IGSF9B: variants seen among roughly 807,000 people sequenced by gnomAD.
IGSF9B encodes the protein protein turtle homolog B.
IGSF9B carries 48 observed loss-of-function variants against 143.7 expected under a neutral mutation model. That is an observed-to-expected ratio of 0.33 (90% confidence interval 0.26 to 0.42). The LOEUF is 0.42. IGSF9B is among the 20% of genes least tolerant of loss of function. IGSF9B has a pLI of 1.00. For synonymous variants in IGSF9B, 903 were observed against 833.1 expected (o/e 1.08, Z -1.44); for missense variants, 1,706 against 1,980.0 (o/e 0.86, Z 2.63).
rs34274954 is a variant in IGSF9B at position 133,922,165 on chromosome 11, T to A, written c.2327+12A>T. ...TGAACAGCACAATTCTCCCAGGATC[T>A]GAGACACTTACGGAGACTCCAGGCT... On this transcript the variant is annotated intron_variant, in intron 17 of 19. Coordinates refer to ENST00000533871, the MANE Select transcript of IGSF9B (RefSeq NM_001277285.4). 98,146 of 1,604,106 alleles carry A rather than the reference T, an allele frequency of 0.061. 5,732 individuals carry two copies. Among genetic ancestry groups the A allele is most frequent in the African/African-American group, 0.29 (21,866 of 74,394 alleles).
intron 3 of IGSF9B, among the ~76,000 whole-genome samples, chr11:133,938,680 T>C (rs1210715423): frequency 6.6e-6 from 1 of 152,146 alleles, no homozygotes; most frequent in Non-Finnish European, 1.5e-5. Flanking sequence ...CCTTGGACTA[T>C]CAGTTCCAGA....
At chr11:133,946,455 G>T (rs942071547) in intron 1 of IGSF9B, among the ~76,000 whole-genome samples, 197 bp from the exon 2 acceptor site, 1 of 152,030 alleles carries the variant, frequency 6.6e-6, no homozygotes, top group Non-Finnish European at 1.5e-5. Flanking sequence ...CTGTCCTGGG[G>T]CCCCCAGGCA....
chr11:133,921,849 C>T (rs1261557126), intron 17 of IGSF9B, among the ~76,000 whole-genome samples: 2 of 152,082 alleles, frequency 1.3e-5, no homozygotes, highest in South Asian at 2.1e-4. Context: ...ACTTAAGCAA[C>T]ACATATTAAG....
At chr11:133,951,520 A>G (rs1392184492) in intron 1 of IGSF9B, among the ~76,000 whole-genome samples, 1 of 152,192 alleles carries the variant, frequency 6.6e-6, no homozygotes, top group Non-Finnish European at 1.5e-5. Flanking sequence ...GGGCTCCCCC[A>G]GCAGCTGTGA....
chr11:133,937,473 T>C lies in IGSF9B; in HGVS notation c.582A>G (p.Thr194=), dbSNP rs1939846059. Residue 194 remains threonine (T), a synonymous_variant, in exon 5 of 20, where the codon ACA becomes ACG. Coordinates refer to ENST00000533871, the MANE Select transcript of IGSF9B (RefSeq NM_001277285.4). ...TGTCCTCCCGACTGACCGATGTCAC[T>C]GTCAGGCTGCCGTCACTCACCTGGG... ...GKYQVSDGSL[T]VTSVSREDRG... 4 of 1,613,638 alleles carry C rather than the reference T, an allele frequency of 2.5e-6. No individual in the cohort carries two copies. Among genetic ancestry groups the C allele is most frequent in the Admixed American group, 3.3e-5 (2 of 59,986 alleles).
chr11:133,926,879 C>T (rs1261285697), intron 13 of IGSF9B, 37 bp downstream of exon 13: 1 of 1,529,086 alleles, frequency 6.5e-7, no homozygotes, highest in Non-Finnish European at 8.9e-7. Context: ...ACCACCTCTA[C>T]AACCCCCGCT....
chr11:133,931,246 T>A lies in IGSF9B; in HGVS notation c.1369-112A>T. ...AGACCCCGGCCCGCCCACGCTGCCC[T>A]CCTCCCGAGTGCCTGCCGCTCTTCA... On this transcript the variant is annotated intron_variant, in intron 10 of 19. Coordinates refer to ENST00000533871, the MANE Select transcript of IGSF9B (RefSeq NM_001277285.4). The surrounding 1 kb of genome is among the most constrained non-coding windows in gnomAD (Gnocchi z 7.7). 8.8e-7 allele frequency: 1 copy of A among 1,132,798 alleles called. No homozygotes were observed. Among genetic ancestry groups the A allele is most frequent in the Non-Finnish European group, 1.3e-6 (1 of 783,868 alleles). 70.2% of individuals were successfully genotyped at this position (1,132,798 alleles called of 1,614,324 possible). A position where few individuals can be genotyped will look rare whatever the true frequency, so the allele number is the denominator to read the frequency against.
At chr11:133,942,487 A>C (rs1436549646) in intron 3 of IGSF9B, among the ~76,000 whole-genome samples, 1 of 152,206 alleles carries the variant, frequency 6.6e-6, no homozygotes, top group Non-Finnish European at 1.5e-5. Flanking sequence ...AGAACATAAA[A>C]TTGAAGTGAG....
chr11:133,944,956 A>G (rs1161220023), intron 2 of IGSF9B, among the ~76,000 whole-genome samples: 1 of 152,138 alleles, frequency 6.6e-6, no homozygotes, highest in Admixed American at 6.5e-5. Context: ...ACCAAAGCCC[A>G]GTGACCCCAG....
rs1233222760 is a variant in IGSF9B, at chr11:133,900,302, C to G, written c.*8767G>C. 1 of 152,658 alleles carries G rather than the reference C, an allele frequency of 6.6e-6. No homozygotes were observed. The highest frequency in any genetic ancestry group is 2.4e-5 in the African/African-American group (1 of 41,390). The allele number at this position is 152,658 out of a possible 1,614,324, so 9.5% of individuals were successfully genotyped here. A position where few individuals can be genotyped will look rare whatever the true frequency, so the allele number is the denominator to read the frequency against. On this transcript the variant is annotated 3_prime_UTR_variant, in exon 20 of 20. Coordinates refer to ENST00000533871, the MANE Select transcript of IGSF9B (RefSeq NM_001277285.4). The stretch of plus-strand genomic sequence containing the variant: ...GAGCCGAAAGGTTGCAGTCCTGAGT[C>G]TCTCCTCACTGCCTGCACCATCTGG...
intron 15 of IGSF9B, among the ~76,000 whole-genome samples, chr11:133,923,528 TATACTC>T (rs925074621): frequency 2.0e-5 from 3 of 152,204 alleles, no homozygotes; most frequent in Non-Finnish European, 4.4e-5. Context: ...CCTACCATCT[TATACTC>T]ATAGGAAAGT....
At chr11:133,954,741 C>T (rs1940219665) in intron 1 of IGSF9B, among the ~76,000 whole-genome samples, 1 of 152,142 alleles carries the variant, frequency 6.6e-6, no homozygotes, top group Non-Finnish European at 1.5e-5. Flanking sequence ...GGCTCTAGAC[C>T]TAGGTCCTTA....
chr11:133,935,520 T>G, intron 7 of IGSF9B, 97 bp downstream of exon 7: 1 of 1,344,664 alleles, frequency 7.4e-7, no homozygotes, highest in Non-Finnish European at 1.0e-6. Flanking sequence ...TGCCCCCAAA[T>G]GATGCTTGGT....
intron 11 of IGSF9B, among the ~76,000 whole-genome samples, chr11:133,930,467 G>T (rs945689158): frequency 3.3e-5 from 5 of 152,196 alleles, no homozygotes; most frequent in Non-Finnish European, 5.9e-5. Flanking sequence ...GACCCAGAAG[G>T]ACAGGCTGAG....
chr11:133,942,488 T>C (rs939757099), intron 3 of IGSF9B, among the ~76,000 whole-genome samples: 2 of 152,182 alleles, frequency 1.3e-5, no homozygotes, highest in African/African-American at 4.8e-5. Flanking sequence ...GAACATAAAA[T>C]TGAAGTGAGA....
chr11:133,932,866 G>A (rs1253402894), intron 7 of IGSF9B, among the ~76,000 whole-genome samples: 4 of 42,818 alleles, frequency 9.3e-5, no homozygotes, highest in Admixed American at 4.0e-4. Context: ...GAAGCCAGGT[G>A]GGAGAGCAGA....
chr11:133,924,744 A>G (rs1939595161), intron 15 of IGSF9B, 76 bp downstream of exon 15: 1 of 1,217,550 alleles, frequency 8.2e-7, no homozygotes, highest in Non-Finnish European at 1.2e-6. Context: ...TGGAGTAGCC[A>G]TTTCACAAAA....
At chr11:133,911,357 G>A (rs1038741411) in intron 19 of IGSF9B, among the ~76,000 whole-genome samples, 2 of 152,202 alleles carry the variant, frequency 1.3e-5, no homozygotes, top group Non-Finnish European at 2.9e-5. Context: ...CCAACCTGCA[G>A]AGGCTGGGCC....
chr11:133,921,705 C>A (rs1005074428), intron 17 of IGSF9B, among the ~76,000 whole-genome samples: 2 of 152,100 alleles, frequency 1.3e-5, no homozygotes, highest in Non-Finnish European at 2.9e-5. Flanking sequence ...GCCCGGCCCC[C>A]CCCATCATCC....
Sources: allele counts gnomAD v4.1 joint callset (sites outside exome capture counted in the v4.1 genomes callset), GRCh38; gene constraint gnomAD v4.1.1; non-coding constraint Gnocchi (gnomAD v3.1); transcripts MANE v1.5; gene names NCBI Gene and HGNC (gene_info 2026-07-23, HGNC 2026-07-21).